The following CRYBB3 variants were observed in gnomAD, a reference collection of about 807,000 sequenced individuals.
CRYBB3 encodes beta-crystallin B3.
Under a neutral mutation model 28.3 loss-of-function variants are expected in CRYBB3, and 35 were observed. That is an observed-to-expected ratio of 1.24 (90% CI 0.95 to 1.64). CRYBB3 has a LOEUF of 1.64. Among genes scored for constraint, CRYBB3 ranks in the 40% most tolerant of loss-of-function variants. The pLI, the probability that CRYBB3 is intolerant of heterozygous loss-of-function variation, is 0.00. For synonymous variants in CRYBB3, 106 were observed against 110.4 expected (o/e 0.96, Z 0.25); for missense variants, 296 against 297.4 (o/e 1.00, Z 0.04).
chr22:25,207,291 G>A lies in CRYBB3; in HGVS notation c.*79G>A, dbSNP rs1236863717. On this transcript the variant is annotated 3_prime_UTR_variant, in exon 6 of 6. Transcript: ENST00000215855. ...GAAGAGGAGGCTCCAGGGTTGGGGC[G>A]AGGGCCGACCTGTCCACCCTTCCCT... The A allele has an allele frequency of 1.1e-5, 14 of 1,328,770 alleles. No individual in the cohort carries two copies. Among genetic ancestry groups the A allele is most frequent in the East Asian group, 2.4e-5 (1 of 40,818 alleles). 82.3% of individuals were successfully genotyped at this position (1,328,770 alleles called of 1,614,324 possible).
At chr22:25,200,205 C>G (rs957132877) in intron 1 of CRYBB3, among the ~76,000 whole-genome samples, 3 of 152,136 alleles carry the variant, frequency 2.0e-5, no homozygotes, top group South Asian at 4.2e-4. Flanking sequence ...CCAAGTCCCC[C>G]GAGAGTCCCC....
At chr22:25,205,402 C>A in intron 5 of CRYBB3, 40 bp downstream of exon 5, 2 of 1,611,940 alleles carry the variant, frequency 1.2e-6, no homozygotes, top group South Asian at 2.2e-5. Context: ...ATCTTCTGGT[C>A]AGCCATGCCT....
chr22:25,205,041 C>T lies in CRYBB3; in HGVS notation c.328-179C>T, dbSNP rs574415106. 3.3e-5 allele frequency among the ~76,000 whole-genome samples: 5 copies of T among 152,272 alleles called. No individual in the cohort carries two copies. In the East Asian group the frequency reaches 7.7e-4, roughly 24 times the overall value. ...TCAACCAGCTTTGGAGGAATCTCCC[C>T]GTCCCTCCTACAGTGAATTTGGGGG... is the stretch of plus-strand genomic sequence containing the variant. On this transcript the variant is annotated intron_variant, in intron 4 of 5. Transcript: ENST00000215855.
intron 3 of CRYBB3, among the ~76,000 whole-genome samples, chr22:25,203,448 G>A (rs1400940463): frequency 4.6e-5 from 7 of 152,224 alleles, no homozygotes; most frequent in Admixed American, 4.6e-4. Context: ...AAGAGGAAAA[G>A]GAAGAGGAAG....
intron 1 of CRYBB3, among the ~76,000 whole-genome samples, chr22:25,200,989 CT>C (rs1934936858): frequency 6.6e-6 from 1 of 152,216 alleles, no homozygotes; most frequent in African/African-American, 2.4e-5. Flanking sequence ...GAAGCCCACC[CT>C]TTAGCCAGGT....
At position 25,202,711 on chromosome 22, in the gene CRYBB3, G is replaced by A. The variant is rs753497267; in HGVS notation, c.113G>A (p.Arg38His). 5 of 1,614,106 alleles carry A rather than the reference G, an allele frequency of 3.1e-6. No individual in the cohort carries two copies. Among genetic ancestry groups the A allele is most frequent in the Non-Finnish European group, 3.4e-6 (4 of 1,179,996 alleles). The change falls in exon 3 of 6, where the codon CGC becomes CAC. Residue 38 changes from arginine to histidine, a missense_variant. Arg to His is a conservative substitution (Grantham distance 29). Coordinates refer to ENST00000215855, the MANE Select transcript of CRYBB3 (RefSeq NM_004076.5). ...LYELENFQGKRCELSAECPSL... is the reference protein window; with the variant it reads ...LYELENFQGKHCELSAECPSL... Reference sequence around the variant, plus strand: ...GAACTAGAGAACTTCCAAGGCAAACGCTGCGAGCTCTCGGCCGAGTGCCCC... The same window carrying A: ...GAACTAGAGAACTTCCAAGGCAAACACTGCGAGCTCTCGGCCGAGTGCCCC...
chr22:25,202,581 C>T, intron 2 of CRYBB3, 93 bp from the exon 3 acceptor site: 2 of 1,600,262 alleles, frequency 1.2e-6, no homozygotes, highest in East Asian at 2.3e-5. Context: ...ATGCAGAAAG[C>T]AGAGGGTACC....
Position 25,203,802 on chromosome 22 carries a change from G to A in CRYBB3, c.234G>A (p.Gln78=), listed in dbSNP as rs201028562. ...AFESRAFRGE[Q]FVLEKGDYPR... ...AGTCCAGGGCCTTCCGCGGGGAGCAGTTTGTTCTGGAGAAGGGGGATTATC... is the reference window on the plus strand; with the variant it reads ...AGTCCAGGGCCTTCCGCGGGGAGCAATTTGTTCTGGAGAAGGGGGATTATC... The change falls in exon 4 of 6, where the codon CAG becomes CAA. Residue 78 remains glutamine (Q), a synonymous_variant. Transcript: ENST00000215855. The A allele has an allele frequency of 1.2e-6, 2 of 1,614,212 alleles. No individual in the cohort carries two copies. The highest frequency in any genetic ancestry group is 1.7e-5 in the Admixed American group (1 of 60,026).
chr22:25,200,271 G>A (rs1934920238), intron 1 of CRYBB3, among the ~76,000 whole-genome samples: 1 of 152,138 alleles, frequency 6.6e-6, no homozygotes, highest in Admixed American at 6.5e-5. Context: ...AGAACCGACA[G>A]CCCGCAGGCT....
chr22:25,204,998 C>T (rs540447960), intron 4 of CRYBB3, among the ~76,000 whole-genome samples: 110 of 152,296 alleles, frequency 7.2e-4, no homozygotes, highest in Admixed American at 1.4e-3. Context: ...TTATAATCTA[C>T]GGCTCTAGGT....
At position 25,205,222 on chromosome 22, in the gene CRYBB3, T is replaced by C. The variant is rs1196889991; in HGVS notation, c.330T>C (p.Asp110=). The change falls in exon 5 of 6, where the codon GAT becomes GAC. Residue 110 remains aspartate, a splice_region_variant and synonymous_variant. Transcript: ENST00000215855. ...TCACCCCACGATATTGCCCTCAGGATAGTCCACATCACAAGCTGCATCTGT... is the reference window on the plus strand; with the variant it reads ...TCACCCCACGATATTGCCCTCAGGACAGTCCACATCACAAGCTGCATCTGT... ...SLLSLRPLNI[D]SPHHKLHLFE... 1.2e-5 allele frequency: 20 copies of C among 1,613,858 alleles called. No homozygotes were observed. Among genetic ancestry groups the C allele is most frequent in the Non-Finnish European group, 1.7e-5 (20 of 1,179,942 alleles).
chr22:25,205,556 T>A (rs966600679), intron 5 of CRYBB3, among the ~76,000 whole-genome samples, 194 bp downstream of exon 5: 4 of 152,000 alleles, frequency 2.6e-5, no homozygotes, highest in African/African-American at 4.8e-5. Flanking sequence ...GCCTCCCGGG[T>A]TCATGCCATT....
chr22:25,202,992 A>T (rs142826825), intron 3 of CRYBB3, among the ~76,000 whole-genome samples, 200 bp downstream of exon 3: 1 of 152,348 alleles, frequency 6.6e-6, no homozygotes, highest in African/African-American at 2.4e-5. Flanking sequence ...AGGATACCTG[A>T]GGTTGGAAGA....
intron 5 of CRYBB3, among the ~76,000 whole-genome samples, 160 bp downstream of exon 5, chr22:25,205,522 C>A (rs56398932): frequency 1.3e-5 from 2 of 152,060 alleles, no homozygotes; most frequent in East Asian, 3.9e-4. Flanking sequence ...TGCAGTGGCG[C>A]GATCTCAGCT....
rs142897070 is a variant in CRYBB3, at chr22:25,207,179, G to T, written c.603G>T (p.Lys201Asn). Residue 201 changes from lysine to asparagine, a missense_variant, in exon 6 of 6, where the codon AAG becomes AAT. Lys to Asn is a moderately conservative substitution (Grantham distance 94, BLOSUM62 0). Coordinates refer to ENST00000215855, the MANE Select transcript of CRYBB3 (RefSeq NM_004076.5). ...LQSVRRIRDQ[K>N]WHKRGRFPSS Reference sequence around the variant, plus strand: ...CTGTGCGCCGCATCCGTGACCAGAAGTGGCACAAGCGGGGCCGCTTCCCCA... The same window carrying T: ...CTGTGCGCCGCATCCGTGACCAGAATTGGCACAAGCGGGGCCGCTTCCCCA... 2.7e-4 allele frequency: 428 copies of T among 1,613,580 alleles called. No individual in the cohort carries two copies. The highest frequency in any genetic ancestry group is 3.3e-4 in the Non-Finnish European group (391 of 1,179,978).
At chr22:25,200,449 G>A (rs1934924799) in intron 1 of CRYBB3, among the ~76,000 whole-genome samples, 1 of 150,040 alleles carries the variant, frequency 6.7e-6, no homozygotes. Context: ...TGTGTGTGAG[G>A]AGAGAGAGAG....
At chr22:25,201,997 C>T (rs571390936) in intron 2 of CRYBB3, among the ~76,000 whole-genome samples, 13 of 152,274 alleles carry the variant, frequency 8.5e-5, no homozygotes, top group South Asian at 8.3e-4. Flanking sequence ...AAACCATCTC[C>T]GGGGTCTTTT....
At chr22:25,200,745 C>G (rs1019911393) in intron 1 of CRYBB3, among the ~76,000 whole-genome samples, 2 of 152,108 alleles carry the variant, frequency 1.3e-5, no homozygotes, top group African/African-American at 2.4e-5. Context: ...AGTAACCGAA[C>G]GCAGGGAAAC....
intron 2 of CRYBB3, 127 bp from the exon 3 acceptor site, chr22:25,202,547 C>CCATTAG: frequency 6.4e-7 from 1 of 1,568,868 alleles, no homozygotes; most frequent in Non-Finnish European, 8.6e-7. Context: ...AGGCCCACCT[C>CCATTAG]AGTGCCAGCT....
Sources: allele counts gnomAD v4.1 joint callset (sites outside exome capture counted in the v4.1 genomes callset), GRCh38; gene constraint gnomAD v4.1.1; transcripts MANE v1.5; gene names NCBI Gene and HGNC (gene_info 2026-07-23, HGNC 2026-07-21).